SCHIP1: variants seen among roughly 807,000 people sequenced by gnomAD.
The protein encoded by SCHIP1 is schwannomin interacting protein 1, also known as schwannomin-interacting protein 1.
In SCHIP1, 8 loss-of-function variants were observed where a neutral mutation model predicts 29.7. That is an observed-to-expected ratio of 0.27 (90% confidence interval 0.16 to 0.49). The LOEUF is 0.49. SCHIP1 is among the 20% of genes least tolerant of loss of function. SCHIP1 has a pLI of 0.99. For missense variants in SCHIP1, 193 were observed against 294.6 expected, an observed-to-expected ratio of 0.66 and a Z score of 2.52; for synonymous variants, 76 against 94.9, an observed-to-expected ratio of 0.80 and a Z score of 1.16.
At chr3:159,385,751 C>G in the SCHIP1 span, among the ~76,000 whole-genome samples, 4 of 152,068 alleles carry the variant, frequency 2.6e-5, no homozygotes, top group African/African-American at 9.7e-5. Context: ...ATGTGCAGAA[C>G]GTGCAGGTTT....
chr3:159,604,001 C>G, the SCHIP1 span, among the ~76,000 whole-genome samples: 2 of 152,134 alleles, frequency 1.3e-5, no homozygotes, highest in Non-Finnish European at 2.9e-5. Flanking sequence ...TGAATGAGCC[C>G]TCATAACCGA....
intron 1 of SCHIP1, among the ~76,000 whole-genome samples, chr3:159,859,977 GT>G (rs1369688115): frequency 3.3e-5 from 1 of 29,960 alleles, no homozygotes; most frequent in South Asian, 9.5e-4. Flanking sequence ...GTGTGACAGG[GT>G]GTGTGTGTGT....
intron 1 of SCHIP1, among the ~76,000 whole-genome samples, chr3:159,863,393 A>G (rs1301634530): frequency 6.6e-6 from 1 of 152,146 alleles, no homozygotes. Context: ...ACACAACTCA[A>G]ATGGCTAACC....
the SCHIP1 span, among the ~76,000 whole-genome samples, chr3:159,698,948 G>T: frequency 6.6e-6 from 1 of 152,042 alleles, no homozygotes. Context: ...ACTGGTCTGG[G>T]TTTAGTTACT....
At chr3:159,273,435 G>T in the SCHIP1 span, 5 of 1,020,780 alleles carry the variant, frequency 4.9e-6, no homozygotes, top group Middle Eastern at 4.9e-4. Context: ...AAGTGAATCG[G>T]CTGCTTTGGA....
At chr3:159,719,015 G>A in the SCHIP1 span, among the ~76,000 whole-genome samples, 1 of 152,110 alleles carries the variant, frequency 6.6e-6, no homozygotes, top group African/African-American at 2.4e-5. Flanking sequence ...AAACAGCATG[G>A]TACTGGTACC....
the SCHIP1 span, among the ~76,000 whole-genome samples, chr3:159,655,145 T>G: frequency 6.6e-6 from 1 of 152,222 alleles, no homozygotes; most frequent in South Asian, 2.1e-4. Context: ...CTAAACTTAC[T>G]TCATAGGTTT....
chr3:159,744,878 G>A, the SCHIP1 span, among the ~76,000 whole-genome samples: 5 of 152,138 alleles, frequency 3.3e-5, no homozygotes, highest in African/African-American at 4.8e-5. Context: ...CCAGCTACTC[G>A]GGAGGCTGAG....
chr3:159,652,103 CAA>C, the SCHIP1 span, among the ~76,000 whole-genome samples: 2 of 137,670 alleles, frequency 1.5e-5, no homozygotes, highest in East Asian at 4.1e-4. Flanking sequence ...GACTCCATCT[CAA>C]AAAAAAAAAA....
At chr3:159,584,265 C>A in the SCHIP1 span, among the ~76,000 whole-genome samples, 6 of 152,284 alleles carry the variant, frequency 3.9e-5, no homozygotes, top group Non-Finnish European at 8.8e-5. Context: ...GGATACACTG[C>A]GGAACTCCGG....
chr3:159,869,944 T>TA (rs1715073306), intron 2 of SCHIP1, among the ~76,000 whole-genome samples: 1 of 151,962 alleles, frequency 6.6e-6, no homozygotes, highest in African/African-American at 2.4e-5. Context: ...TTAGACATAT[T>TA]ACACATCTCT....
At chr3:159,813,118 T>G in the SCHIP1 span, among the ~76,000 whole-genome samples, 1 of 152,206 alleles carries the variant, frequency 6.6e-6, no homozygotes, top group Non-Finnish European at 1.5e-5. Flanking sequence ...ACCATTACGT[T>G]GGGGACCAAG....
chr3:159,764,945 G>A, the SCHIP1 span: 1 of 1,491,262 alleles, frequency 6.7e-7, no homozygotes, highest in Non-Finnish European at 8.9e-7. This position sits in a 1 kb window ranked among gnomAD's most constrained non-coding sequence, Gnocchi z 6.1. Flanking sequence ...CAGCCGGCTG[G>A]GGGCCGGCGC....
chr3:159,640,108 T>C, the SCHIP1 span, among the ~76,000 whole-genome samples: 1 of 152,200 alleles, frequency 6.6e-6, no homozygotes, highest in Non-Finnish European at 1.5e-5. Context: ...TAATTTTATT[T>C]AACTTCATAG....
chr3:159,358,393 C>T, the SCHIP1 span, among the ~76,000 whole-genome samples: 1 of 152,220 alleles, frequency 6.6e-6, no homozygotes, highest in Admixed American at 6.5e-5. Context: ...AAAGGCTAAA[C>T]TCTGCAGTAT....
At chr3:159,845,681 C>T (rs1343245298) in intron 1 of SCHIP1, 4 of 152,296 alleles carry the variant, frequency 2.6e-5, no homozygotes, top group Middle Eastern at 3.4e-3. Context: ...CGCGCCTGGC[C>T]GACAACAGGC....
chr3:159,712,980 A>AC, the SCHIP1 span, among the ~76,000 whole-genome samples: 1 of 151,296 alleles, frequency 6.6e-6, no homozygotes, highest in African/African-American at 2.4e-5. Context: ...ACATGGCAAA[A>AC]CCCCATCTCT....
the SCHIP1 span, among the ~76,000 whole-genome samples, chr3:159,419,811 A>AG: frequency 6.6e-6 from 1 of 152,152 alleles, no homozygotes; most frequent in East Asian, 1.9e-4. Flanking sequence ...CTCCATCTTA[A>AG]GAAAAAAAAA....
chr3:159,417,614 G>A, the SCHIP1 span, among the ~76,000 whole-genome samples: 5 of 152,112 alleles, frequency 3.3e-5, no homozygotes, highest in African/African-American at 7.2e-5. Context: ...CAAAGAATAC[G>A]ATTCCTCAAC....
Sources: allele counts gnomAD v4.1 joint callset (sites outside exome capture counted in the v4.1 genomes callset), GRCh38; gene constraint gnomAD v4.1.1; non-coding constraint Gnocchi (gnomAD v3.1); transcripts MANE v1.5; gene names NCBI Gene and HGNC (gene_info 2026-07-23, HGNC 2026-07-21).